Variants in CNTN1 observed in about 807,000 individuals in gnomAD.
CNTN1 encodes the protein contactin-1.
A neutral mutation model predicts 126.4 loss-of-function variants in CNTN1; 38 were observed. That is an observed-to-expected ratio of 0.30 (90% CI 0.23 to 0.39). The LOEUF is 0.39. Ranked by LOEUF, CNTN1 falls within the 10% of genes least tolerant of loss-of-function variation. The pLI, the probability that CNTN1 is intolerant of heterozygous loss-of-function variation, is 1.00. For missense variants in CNTN1, 1,009 were observed against 1,248.4 expected (o/e 0.81, Z 2.89); for synonymous variants, 413 against 422.6 (o/e 0.98, Z 0.28).
intron 1 of CNTN1, among the ~76,000 whole-genome samples, chr12:40,763,723 G>A (rs1162812898): frequency 6.6e-6 from 1 of 152,192 alleles, no homozygotes. Flanking sequence ...TCAGAGCTAT[G>A]TAATATCCAT....
At chr12:40,893,467 T>C (rs548259546) in intron 1 of CNTN1, among the ~76,000 whole-genome samples, 1 of 152,226 alleles carries the variant, frequency 6.6e-6, no homozygotes, top group East Asian at 1.9e-4. Flanking sequence ...GTGATATTCC[T>C]TCAATCCTGA....
rs774907531 is a variant in CNTN1, at chr12:40,930,002, C to T, written c.703C>T (p.Arg235Ter). 2 of 1,601,052 alleles carry T rather than the reference C, an allele frequency of 1.2e-6. No individual in the cohort carries two copies. The highest frequency in any genetic ancestry group is 1.7e-6 in the Non-Finnish European group (2 of 1,168,476). The part of the protein sequence containing the change: ...KFIPLIPIPE[R>*]TTKPYPADIV... ...CATCCCACTCATTCCAATACCTGAA[C>T]GTAAGTATTTTATTTGTTACACTCT... is the stretch of plus-strand genomic sequence containing the variant. The change falls in exon 7 of 24, where the codon CGA (arginine) becomes TGA (stop). Residue 235 changes from arginine to a stop codon, truncating the protein, a stop_gained and splice_region_variant. Transcript: ENST00000551295. LOFTEE classifies it high-confidence loss of function.
intron 1 of CNTN1, among the ~76,000 whole-genome samples, chr12:40,788,253 T>C (rs1324597202): frequency 1.3e-5 from 2 of 152,126 alleles, no homozygotes; most frequent in African/African-American, 4.8e-5. Flanking sequence ...ACAGCCGCTA[T>C]GGAAAAATAG....
intron 9 of CNTN1, among the ~76,000 whole-genome samples, chr12:40,935,158 C>T (rs747817130): frequency 1.3e-5 from 2 of 151,970 alleles, no homozygotes; most frequent in African/African-American, 2.4e-5. Flanking sequence ...ACTTCAGACT[C>T]GTATGTCCAA....
At chr12:41,068,429 C>T (rs979453452) in intron 23 of CNTN1, among the ~76,000 whole-genome samples, 1 of 152,082 alleles carries the variant, frequency 6.6e-6, no homozygotes, top group Non-Finnish European at 1.5e-5. Flanking sequence ...TATCTGCCCT[C>T]ACCTTTTGAC....
intron 17 of CNTN1, among the ~76,000 whole-genome samples, chr12:41,002,478 A>G (rs900977389): frequency 7.3e-5 from 11 of 151,706 alleles, no homozygotes; most frequent in Admixed American, 7.2e-4. Flanking sequence ...ATTTTCCCAC[A>G]TTGATTTTGT....
At chr12:40,765,978 T>C (rs1375170763) in intron 1 of CNTN1, among the ~76,000 whole-genome samples, 1 of 152,168 alleles carries the variant, frequency 6.6e-6, no homozygotes, top group Non-Finnish European at 1.5e-5. Context: ...GAGATGCCTA[T>C]GGTTATTTTA....
chr12:40,977,268 C>T (rs537777822), intron 15 of CNTN1, among the ~76,000 whole-genome samples: 102 of 152,082 alleles, frequency 6.7e-4, no homozygotes, highest in Non-Finnish European at 1.2e-3. Context: ...TTGTGGGTGG[C>T]GGAAATCAAG....
At chr12:40,707,471 C>G (rs1238761832) in intron 1 of CNTN1, among the ~76,000 whole-genome samples, 4 of 151,946 alleles carry the variant, frequency 2.6e-5, no homozygotes, top group Non-Finnish European at 5.9e-5. Flanking sequence ...CCAGGATGGT[C>G]TCGATCTCCT....
At chr12:40,786,289 C>A (rs1291253597) in intron 1 of CNTN1, among the ~76,000 whole-genome samples, 1 of 152,118 alleles carries the variant, frequency 6.6e-6, no homozygotes, top group Non-Finnish European at 1.5e-5. Flanking sequence ...CCTTTGTGTA[C>A]CACCTCTTCA....
At chr12:40,893,561 TG>T (rs1299024316) in intron 1 of CNTN1, among the ~76,000 whole-genome samples, 3 of 152,098 alleles carry the variant, frequency 2.0e-5, no homozygotes, top group African/African-American at 7.2e-5. Flanking sequence ...CTTCTAAACT[TG>T]TAAAGAAAGT....
intron 1 of CNTN1, among the ~76,000 whole-genome samples, chr12:40,809,811 G>GTC (rs1487667019): frequency 5.5e-5 from 3 of 54,686 alleles, no homozygotes; most frequent in Admixed American, 2.3e-4. Flanking sequence ...GTGAGACTCT[G>GTC]TCTCACACAC....
chr12:40,861,134 T>G (rs1469928992), intron 1 of CNTN1, among the ~76,000 whole-genome samples: 1 of 152,146 alleles, frequency 6.6e-6, no homozygotes, highest in Non-Finnish European at 1.5e-5. Flanking sequence ...ACTTTAAAGT[T>G]AATTGAAGCC....
chr12:40,835,986 A>G (rs373301276), intron 1 of CNTN1, among the ~76,000 whole-genome samples: 794 of 51,376 alleles, frequency 0.015, 7 homozygotes, highest in African/African-American at 0.043. Context: ...AGGTATATAT[A>G]TGTGTGTGTG....
intron 3 of CNTN1, among the ~76,000 whole-genome samples, chr12:40,910,706 T>C (rs1385862983): frequency 6.6e-6 from 1 of 152,202 alleles, no homozygotes; most frequent in Non-Finnish European, 1.5e-5. Context: ...GCATAAATTA[T>C]ATAACTTCTA....
At chr12:40,757,828 A>G (rs1938673019) in intron 1 of CNTN1, among the ~76,000 whole-genome samples, 1 of 152,146 alleles carries the variant, frequency 6.6e-6, no homozygotes, top group African/African-American at 2.4e-5. Context: ...AAATAATCAA[A>G]TATCTTTATA....
chr12:40,824,329 T>A (rs1173415821), intron 1 of CNTN1, among the ~76,000 whole-genome samples: 1 of 152,112 alleles, frequency 6.6e-6, no homozygotes, highest in African/African-American at 2.4e-5. Context: ...CATGTGTTGT[T>A]CTCTTTCCTG....
At chr12:40,885,383 T>C (rs916267980) in intron 1 of CNTN1, among the ~76,000 whole-genome samples, 4 of 151,918 alleles carry the variant, frequency 2.6e-5, no homozygotes, top group African/African-American at 7.2e-5. Context: ...TTTATGAAGT[T>C]TTTATTATGA....
At chr12:40,775,544 C>T (rs139988984) in intron 1 of CNTN1, among the ~76,000 whole-genome samples, 145 of 151,390 alleles carry the variant, frequency 9.6e-4, no homozygotes, top group African/African-American at 3.4e-3. Context: ...GACTAGGCCA[C>T]GGTTTATCTT....
Sources: allele counts gnomAD v4.1 joint callset (sites outside exome capture counted in the v4.1 genomes callset), GRCh38; gene constraint gnomAD v4.1.1; transcripts MANE v1.5; gene names NCBI Gene and HGNC (gene_info 2026-07-23, HGNC 2026-07-21).